EXOSC7: variants seen among roughly 807,000 people sequenced by gnomAD.
The protein encoded by EXOSC7 is exosome component 7, also known as exosome complex component RRP42.
EXOSC7 carries 25 observed loss-of-function variants against 34.3 expected under a neutral mutation model. That is an observed-to-expected ratio of 0.73 (90% CI 0.53 to 1.02). The LOEUF is 1.02. EXOSC7 is among the 50% of genes least tolerant of loss of function. The pLI, the probability that EXOSC7 is intolerant of heterozygous loss-of-function variation, is 0.00. For synonymous variants in EXOSC7, 130 were observed against 143.0 expected, an observed-to-expected ratio of 0.91 and a Z score of 0.65; for missense variants, 370 against 368.5, an observed-to-expected ratio of 1.00 and a Z score of -0.03.
intron 7 of EXOSC7, among the ~76,000 whole-genome samples, chr3:45,008,598 C>T (rs970666496): frequency 1.3e-5 from 2 of 152,168 alleles, no homozygotes; most frequent in African/African-American, 2.4e-5. Context: ...TGCCCAGACA[C>T]TGCTGAGGTT....
At chr3:44,985,301 CCA>C (rs1396353157) in intron 1 of EXOSC7, among the ~76,000 whole-genome samples, 1 of 152,194 alleles carries the variant, frequency 6.6e-6, no homozygotes, top group Non-Finnish European at 1.5e-5. Flanking sequence ...GAATCCATCT[CCA>C]GACTCAAGAT....
chr3:45,001,774 C>T (rs746328710), intron 5 of EXOSC7, 166 bp downstream of exon 5: 9 of 579,082 alleles, frequency 1.6e-5, no homozygotes, highest in Middle Eastern at 2.7e-4. Context: ...AGATAGATTT[C>T]GTGAATTAAA....
At position 44,997,163 on chromosome 3, in the gene EXOSC7, C is replaced by T. The variant is rs193092686; in HGVS notation, c.331C>T (p.Arg111Trp). 28 of 1,613,900 alleles carry T rather than the reference C, an allele frequency of 1.7e-5. No individual in the cohort carries two copies. Among genetic ancestry groups the T allele is most frequent in the East Asian group, 4.5e-5 (2 of 44,878 alleles). ...LGTEIANTLY[R>W]IFNNKSSVDL... Reference sequence around the variant, plus strand: ...CACCGAGATCGCTAACACCCTCTATCGGATATTTAACAATAAAAGCAGTGT... The same window carrying T: ...CACCGAGATCGCTAACACCCTCTATTGGATATTTAACAATAAAAGCAGTGT... Residue 111 changes from arginine to tryptophan, a missense_variant, in exon 4 of 8, where the codon CGG becomes TGG. By Grantham distance (101) the Arg-to-Trp change is moderately radical (BLOSUM62 -3). This residue lies in a region of EXOSC7 where 255 missense variants were observed against 246.4 expected (regional missense o/e 1.03). Transcript: ENST00000265564.
intron 2 of EXOSC7, 21 bp from the exon 3 acceptor site, chr3:44,989,529 T>A: frequency 1.9e-5 from 31 of 1,593,582 alleles, no homozygotes; most frequent in Non-Finnish European, 2.7e-5. Context: ...GAGTGAGGAC[T>A]CTTCTTGCAT....
intron 1 of EXOSC7, among the ~76,000 whole-genome samples, chr3:44,986,156 G>A (rs866013049): frequency 4.6e-5 from 7 of 151,322 alleles, no homozygotes; most frequent in African/African-American, 7.3e-5. Flanking sequence ...ACTGGGCGCC[G>A]TGGAGCAGGG....
At chr3:44,977,969 T>C (rs1210738176) in intron 1 of EXOSC7, among the ~76,000 whole-genome samples, 2 of 152,212 alleles carry the variant, frequency 1.3e-5, no homozygotes. Flanking sequence ...CCATGGTCAT[T>C]AGTTAATTTT....
chr3:44,992,025 A>G (rs1199285306), intron 3 of EXOSC7, among the ~76,000 whole-genome samples: 1 of 152,224 alleles, frequency 6.6e-6, no homozygotes, highest in African/African-American at 2.4e-5. Context: ...CACCTGTATC[A>G]GAACCTCAAT....
At chr3:44,980,646 T>C (rs1327890374) in intron 1 of EXOSC7, among the ~76,000 whole-genome samples, 5 of 152,180 alleles carry the variant, frequency 3.3e-5, no homozygotes, top group Admixed American at 6.5e-5. Context: ...CAGGAGAGAA[T>C]CTTTGCTTCC....
chr3:44,978,091 G>C (rs1706168077), intron 1 of EXOSC7, among the ~76,000 whole-genome samples: 1 of 152,232 alleles, frequency 6.6e-6, no homozygotes, highest in Non-Finnish European at 1.5e-5. Flanking sequence ...GAGAGTAAAA[G>C]TGAATAAAAT....
At chr3:44,997,318 C>T (rs1706750155) in intron 4 of EXOSC7, 66 bp downstream of exon 4, 4 of 1,471,728 alleles carry the variant, frequency 2.7e-6, no homozygotes, top group East Asian at 2.3e-5. Context: ...GGCCTATTTT[C>T]CTTCCAGTGC....
intron 5 of EXOSC7, 110 bp from the exon 6 acceptor site, chr3:45,005,181 G>A (rs1706998303): frequency 1.6e-6 from 2 of 1,243,682 alleles, no homozygotes; most frequent in Non-Finnish European, 2.3e-6. Context: ...AATAGGCATA[G>A]CGTGTCTTTC....
At position 45,006,571 on chromosome 3, in the gene EXOSC7, C is replaced by T. The variant is rs1475893127; in HGVS notation, c.616-849C>T. ...AGCTGGGACTACAGGCGCCCGCCAC[C>T]GCGCCTGGCTAATTTTTTGTATTTT... On this transcript the variant is annotated intron_variant, in intron 6 of 7. Coordinates refer to ENST00000265564, the MANE Select transcript of EXOSC7 (RefSeq NM_015004.4). 6.6e-5 allele frequency among the ~76,000 whole-genome samples: 10 copies of T among 150,688 alleles called. No individual in the cohort carries two copies. In the East Asian group the frequency reaches 1.2e-3, roughly 18 times the overall value.
At chr3:44,997,008 A>G in intron 3 of EXOSC7, 79 bp from the exon 4 acceptor site, 14 of 1,433,778 alleles carry the variant, frequency 9.8e-6, no homozygotes, top group Non-Finnish European at 1.4e-5. Context: ...TTCTACAGGG[A>G]AACTGGAATA....
At chr3:44,979,604 T>C (rs1575998452) in intron 1 of EXOSC7, among the ~76,000 whole-genome samples, 1 of 147,270 alleles carries the variant, frequency 6.8e-6, no homozygotes, top group South Asian at 2.2e-4. Flanking sequence ...TTTTTCCCCC[T>C]CTTTGCTTTG....
At chr3:45,000,720 A>T (rs1706851808) in intron 4 of EXOSC7, among the ~76,000 whole-genome samples, 1 of 152,264 alleles carries the variant, frequency 6.6e-6, no homozygotes, top group Non-Finnish European at 1.5e-5. Flanking sequence ...AGTAAATGTG[A>T]ACCTAGTAGC....
chr3:45,006,411 T>G (rs867113972), intron 6 of EXOSC7, among the ~76,000 whole-genome samples: 75 of 121,892 alleles, frequency 6.2e-4, no homozygotes, highest in African/African-American at 1.9e-3. Context: ...TTTGTTTTTT[T>G]TTTTTTTTTT....
chr3:44,994,699 C>G (rs1030253713), intron 3 of EXOSC7, among the ~76,000 whole-genome samples: 1 of 151,936 alleles, frequency 6.6e-6, no homozygotes, highest in Non-Finnish European at 1.5e-5. Context: ...AGCATTGTAC[C>G]CCATCCCCCA....
chr3:44,980,618 G>A (rs1706246213), intron 1 of EXOSC7, among the ~76,000 whole-genome samples: 1 of 152,152 alleles, frequency 6.6e-6, no homozygotes, highest in African/African-American at 2.4e-5. Context: ...TTCCTCAGTA[G>A]GGATCCAGAG....
chr3:44,988,289 G>A (rs1032811508), intron 1 of EXOSC7, among the ~76,000 whole-genome samples: 4 of 152,178 alleles, frequency 2.6e-5, no homozygotes, highest in African/African-American at 9.7e-5. Flanking sequence ...GGAACACTTT[G>A]AGCAGCAAAA....
Sources: gnomAD v4.1 joint callset for allele counts (sites outside exome capture counted in the v4.1 genomes callset) on GRCh38, gnomAD v4.1.1 for gene constraint, gnomAD v4.1.1 regional missense constraint, MANE v1.5 for transcripts, NCBI Gene and HGNC (gene_info 2026-07-23, HGNC 2026-07-21) for gene names.